Variants in GPATCH2 observed in about 807,000 individuals in gnomAD.
GPATCH2 encodes the protein G-patch domain containing 2.
In GPATCH2, 51 loss-of-function variants were observed where a neutral mutation model predicts 58.0. The observed-to-expected ratio is 0.88, with a 90% CI of 0.70 to 1.11. The LOEUF is 1.11. GPATCH2 is among the 50% of genes most tolerant of loss of function. The probability of loss-of-function intolerance (pLI) is 0.00; values close to 1 mark genes in which losing one functional copy is unlikely to be tolerated. For missense variants in GPATCH2, 625 were observed against 652.2 expected (o/e 0.96, Z 0.45); for synonymous variants, 222 against 218.5 (o/e 1.02, Z -0.14).
In GPATCH2 at chr1:217,492,474, A is replaced by G. The variant is rs565616846; in HGVS notation, c.1207-724T>C. ...TTATCTTATTTATGCAGAAAATATG[A>G]TTATATGCAAGACTGGGCTAAAACG... is the stretch of plus-strand genomic sequence containing the variant. On this transcript the variant is annotated intron_variant, in intron 7 of 9. Coordinates refer to ENST00000366935, the MANE Select transcript of GPATCH2 (RefSeq NM_018040.5). 3.9e-5 allele frequency: 6 copies of G among 152,328 alleles called. No homozygotes were observed. In the South Asian group the frequency reaches 1.2e-3, roughly 32 times the overall value. 9.4% of individuals were successfully genotyped at this position (152,328 alleles called of 1,614,324 possible). A position where few individuals can be genotyped will look rare whatever the true frequency, so the allele number is the denominator to read the frequency against.
In GPATCH2 at chr1:217,427,638, C is replaced by T. The variant is rs910818854; in HGVS notation, c.*3507G>A. On this transcript the variant is annotated 3_prime_UTR_variant, in exon 10 of 10. Coordinates refer to ENST00000366935, the MANE Select transcript of GPATCH2 (RefSeq NM_018040.5). ...ATATTCTTTGCTAACAATTTCTTTA[C>T]AATGCCAACTTAGATCACTTTTCTT... The T allele has an allele frequency of 6.6e-6, 1 of 152,050 alleles. No homozygotes were observed. Among genetic ancestry groups the T allele is most frequent in the African/African-American group, 2.4e-5 (1 of 41,426 alleles). 9.4% of individuals were successfully genotyped at this position (152,050 alleles called of 1,614,324 possible).
intron 8 of GPATCH2, among the ~76,000 whole-genome samples, chr1:217,489,244 A>T (rs539396245): frequency 7.4e-4 from 113 of 152,028 alleles, no homozygotes; most frequent in African/African-American, 2.4e-3. Context: ...ATCCATTTTT[A>T]AAAAATGGAT....
intron 8 of GPATCH2, among the ~76,000 whole-genome samples, chr1:217,479,005 T>A (rs1661095426): frequency 6.6e-6 from 1 of 151,728 alleles, no homozygotes; most frequent in African/African-American, 2.4e-5. Context: ...AAAAAAAAAC[T>A]TTTACTCTAG....
At chr1:217,457,444 T>A (rs1049001347) in intron 8 of GPATCH2, among the ~76,000 whole-genome samples, 2 of 152,214 alleles carry the variant, frequency 1.3e-5, no homozygotes, top group African/African-American at 4.8e-5. Context: ...TTAGCACGTA[T>A]ATATTCAATA....
rs1239651354 is a variant in GPATCH2 at position 217,620,434 on chromosome 1, T to A, written c.122A>T (p.Glu41Val). 2 of 1,613,990 alleles carry A rather than the reference T, an allele frequency of 1.2e-6. No individual in the cohort carries two copies. The highest frequency in any genetic ancestry group is 3.3e-5 in the Admixed American group (2 of 59,994). Residue 41 changes from glutamate to valine, a missense_variant, in exon 2 of 10, where the codon GAG (glutamate) becomes GTG (valine). By Grantham distance (121) the Glu-to-Val change is moderately radical (BLOSUM62 -2). Coordinates refer to ENST00000366935, the MANE Select transcript of GPATCH2 (RefSeq NM_018040.5). ...TTCAGCAAATCCACCTCGAGCTTGC[T>A]CTGAGCTCTCTTCCAATGCTGAGAC... is the stretch of plus-strand genomic sequence containing the variant. Reference protein sequence around the residue: ...DLVSALEESSEQARGGFAETG... With the variant: ...DLVSALEESSVQARGGFAETG...
At chr1:217,518,076 AATAAAGCAGAT>A (rs1464787692) in intron 5 of GPATCH2, among the ~76,000 whole-genome samples, 4 of 152,146 alleles carry the variant, frequency 2.6e-5, no homozygotes, top group Non-Finnish European at 5.9e-5. Context: ...TACAATCTGA[AATAAAGCAGAT>A]ATATTTCTTT....
chr1:217,470,923 G>A (rs982788760), intron 8 of GPATCH2, among the ~76,000 whole-genome samples: 10 of 151,384 alleles, frequency 6.6e-5, no homozygotes, highest in East Asian at 1.9e-4. Context: ...TCATTCATGC[G>A]TACATAAGAA....
intron 5 of GPATCH2, among the ~76,000 whole-genome samples, chr1:217,531,815 T>C (rs948587321): frequency 6.6e-6 from 1 of 152,304 alleles, no homozygotes; most frequent in Admixed American, 6.5e-5. Flanking sequence ...TGTCAAGCAC[T>C]AGCATATACT....
At chr1:217,628,826 G>T (rs1669587560) in intron 1 of GPATCH2, among the ~76,000 whole-genome samples, 1 of 152,010 alleles carries the variant, frequency 6.6e-6, no homozygotes, top group Non-Finnish European at 1.5e-5. Context: ...AGAAAATCCA[G>T]ACTGGTTAAC....
intron 9 of GPATCH2, among the ~76,000 whole-genome samples, chr1:217,444,794 T>C (rs1445955191): frequency 1.3e-5 from 2 of 152,168 alleles, no homozygotes; most frequent in Non-Finnish European, 2.9e-5. Context: ...AGCAGCTATA[T>C]GCACCCAGGG....
At chr1:217,561,998 G>T (rs929136712) in intron 5 of GPATCH2, among the ~76,000 whole-genome samples, 5 of 152,182 alleles carry the variant, frequency 3.3e-5, no homozygotes, top group African/African-American at 1.2e-4. Flanking sequence ...GGCATGCCAA[G>T]TTCTGAACAT....
chr1:217,499,704 T>C (rs1662201262), intron 6 of GPATCH2, among the ~76,000 whole-genome samples: 1 of 151,350 alleles, frequency 6.6e-6, no homozygotes, highest in African/African-American at 2.4e-5. Flanking sequence ...ACAGCTTGAC[T>C]AAGATATTTC....
chr1:217,610,790 T>C, intron 4 of GPATCH2, 99 bp downstream of exon 4: 1 of 784,030 alleles, frequency 1.3e-6, no homozygotes. Context: ...ATCTTGTGTT[T>C]ACATTCTCTA....
At chr1:217,439,543 T>TA (rs1310455481) in intron 9 of GPATCH2, among the ~76,000 whole-genome samples, 1 of 151,534 alleles carries the variant, frequency 6.6e-6, no homozygotes, top group African/African-American at 2.4e-5. Flanking sequence ...GAGAGAGAGA[T>TA]ACGAAAAACC....
intron 6 of GPATCH2, among the ~76,000 whole-genome samples, chr1:217,514,417 C>G (rs1205986977): frequency 3.9e-5 from 6 of 152,152 alleles, no homozygotes; most frequent in Non-Finnish European, 8.8e-5. Flanking sequence ...CCCTGGCCTC[C>G]CAAAGTGCTG....
intron 5 of GPATCH2, among the ~76,000 whole-genome samples, chr1:217,566,384 T>C (rs1666235672): frequency 6.6e-6 from 1 of 152,222 alleles, no homozygotes; most frequent in African/African-American, 2.4e-5. Flanking sequence ...CTCCTTAATC[T>C]TTAGATGTTC....
chr1:217,548,918 G>A (rs575977857), intron 5 of GPATCH2, among the ~76,000 whole-genome samples: 37 of 152,198 alleles, frequency 2.4e-4, no homozygotes, highest in South Asian at 1.5e-3. Flanking sequence ...ACCCAGTCTC[G>A]GGTATTTCTT....
At chr1:217,493,622 C>CAGTT (rs1661856466) in intron 7 of GPATCH2, among the ~76,000 whole-genome samples, 1 of 152,054 alleles carries the variant, frequency 6.6e-6, no homozygotes, top group African/African-American at 2.4e-5. Context: ...AAAGAGCAAC[C>CAGTT]AGTTATCTTA....
intron 5 of GPATCH2, among the ~76,000 whole-genome samples, chr1:217,579,472 G>A (rs1558499930): frequency 6.6e-6 from 1 of 152,004 alleles, no homozygotes; most frequent in Admixed American, 6.6e-5. Flanking sequence ...ACACAGAGAT[G>A]TGTAAATCAA....
Sources: gnomAD v4.1 joint callset for allele counts (sites outside exome capture counted in the v4.1 genomes callset) on GRCh38, gnomAD v4.1.1 for gene constraint, MANE v1.5 for transcripts, NCBI Gene and HGNC (gene_info 2026-07-23, HGNC 2026-07-21) for gene names.